Variants in GRIK4 observed in about 807,000 individuals in gnomAD.
GRIK4 encodes glutamate receptor ionotropic, kainate 4.
In GRIK4, 40 loss-of-function variants were observed where a neutral mutation model predicts 104.9. The ratio of observed to expected loss-of-function variants is 0.38; its 90% confidence interval spans 0.30 to 0.50. The LOEUF is 0.50. GRIK4 is among the 20% of genes least tolerant of loss of function. The pLI is 0.93. For synonymous variants in GRIK4, 485 were observed against 524.9 expected, an observed-to-expected ratio of 0.92 and a Z score of 1.04; for missense variants, 1,047 against 1,308.1, an observed-to-expected ratio of 0.80 and a Z score of 3.08.
At chr11:120,757,869 T>C (rs548717737) in intron 3 of GRIK4, among the ~76,000 whole-genome samples, 1 of 152,308 alleles carries the variant, frequency 6.6e-6, no homozygotes, top group East Asian at 1.9e-4. Flanking sequence ...GAAGGGAACC[T>C]GAAGCTTCAG....
chr11:120,835,788 A>G (rs908759159), intron 7 of GRIK4, among the ~76,000 whole-genome samples: 13 of 152,166 alleles, frequency 8.5e-5, no homozygotes, highest in Admixed American at 6.5e-4. Flanking sequence ...GTCAGTTTCT[A>G]TAGTACCTGT....
At chr11:120,601,148 G>A (rs1182985138) in intron 1 of GRIK4, among the ~76,000 whole-genome samples, 1 of 152,008 alleles carries the variant, frequency 6.6e-6, no homozygotes, top group Non-Finnish European at 1.5e-5. Flanking sequence ...GCTCACGTCT[G>A]TAATCCCAGC....
chr11:120,830,864 AC>A (rs1256268558), intron 6 of GRIK4, among the ~76,000 whole-genome samples: 1 of 120,884 alleles, frequency 8.3e-6, no homozygotes, highest in South Asian at 2.9e-4. Flanking sequence ...CCCCCACATC[AC>A]CCCCACCCCC....
intron 9 of GRIK4, chr11:120,868,065 G>C (rs1954473929): frequency 1.3e-5 from 2 of 152,180 alleles, no homozygotes; most frequent in Admixed American, 1.3e-4. Context: ...AGAGACAAAT[G>C]GGCATCTGGG....
Position 120,819,848 on chromosome 11 carries a change from A to G in GRIK4, c.439A>G (p.Ser147Gly). 1 of 1,614,092 alleles carries G rather than the reference A, an allele frequency of 6.2e-7. No homozygotes were observed. Among genetic ancestry groups the G allele is most frequent in the African/African-American group, 1.3e-5 (1 of 75,056 alleles). The stretch of plus-strand genomic sequence containing the variant: ...CCTCCACCCCAGCAACACTGACATC[A>G]GCGTGGCTGTAGCTGGGATCCTGAA... ...LNLHPSNTDI[S>G]VAVAGILNFF... The change falls in exon 6 of 21, where the codon AGC becomes GGC. Residue 147 changes from serine to glycine, a missense_variant. Ser to Gly is a moderately conservative substitution (Grantham distance 56). This residue lies in a region of GRIK4 where 447 missense variants were observed against 514.9 expected (regional missense o/e 0.87). Transcript: ENST00000527524. The surrounding 1 kb of genome is among the most constrained non-coding windows in gnomAD (Gnocchi z 4.3).
chr11:120,709,942 T>C (rs767052781), intron 3 of GRIK4, among the ~76,000 whole-genome samples: 56 of 152,192 alleles, frequency 3.7e-4, no homozygotes, highest in Non-Finnish European at 6.5e-4. Context: ...GTCTGCATCA[T>C]TGGGATCAAG....
At chr11:120,649,569 C>T (rs1387410539) in intron 1 of GRIK4, among the ~76,000 whole-genome samples, 1 of 152,152 alleles carries the variant, frequency 6.6e-6, no homozygotes. Flanking sequence ...CCAGCATAGC[C>T]CTCGCTGGCT....
chr11:120,522,909 G>A (rs1305295495), intron 1 of GRIK4, among the ~76,000 whole-genome samples: 1 of 152,040 alleles, frequency 6.6e-6, no homozygotes, highest in Non-Finnish European at 1.5e-5. Flanking sequence ...TGCCTCCTAT[G>A]TGCCAGGCAC....
chr11:120,795,453 G>A (rs551135455), intron 3 of GRIK4, among the ~76,000 whole-genome samples: 181 of 152,304 alleles, frequency 1.2e-3, no homozygotes, highest in Middle Eastern at 0.01. Flanking sequence ...AATGCTGACT[G>A]CACCATTGCC....
In GRIK4 at chr11:120,917,519, G is replaced by A. The variant is rs112309867; in HGVS notation, c.1476+12026G>A. 5.4e-3 allele frequency among the ~76,000 whole-genome samples: 818 copies of A among 152,258 alleles called. 3 individuals are homozygous for A. Among genetic ancestry groups the A allele is most frequent in the African/African-American group, 0.017 (701 of 41,548 alleles). ...GTGTGAGTACATGGCTGGGAGCCCC[G>A]AGCAGGGCAGGACTAAGGAATGACA... On this transcript the variant is annotated intron_variant, in intron 13 of 20. Transcript: ENST00000527524.
At chr11:120,802,883 C>T in intron 4 of GRIK4, 26 bp downstream of exon 4, 1 of 1,606,278 alleles carries the variant, frequency 6.2e-7, no homozygotes, top group Non-Finnish European at 8.5e-7. Context: ...AGGGCTGCCT[C>T]TTCCCTTGCT....
At chr11:120,824,557 T>TC (rs1953208694) in intron 6 of GRIK4, among the ~76,000 whole-genome samples, 1 of 147,564 alleles carries the variant, frequency 6.8e-6, no homozygotes, top group Non-Finnish European at 1.5e-5. Context: ...TCTTTTCTTT[T>TC]TTTTTTTTTT....
intron 1 of GRIK4, among the ~76,000 whole-genome samples, chr11:120,528,661 G>A (rs573973871): frequency 6.6e-5 from 10 of 152,290 alleles, no homozygotes; most frequent in East Asian, 3.9e-4. Flanking sequence ...CAATCATGGC[G>A]GAAGGCAAAG....
At chr11:120,529,661 T>A (rs1947902708) in intron 1 of GRIK4, among the ~76,000 whole-genome samples, 1 of 152,256 alleles carries the variant, frequency 6.6e-6, no homozygotes, top group Non-Finnish European at 1.5e-5. Context: ...TGGAGATGAT[T>A]TCAATGTATC....
At position 120,967,057 on chromosome 11, in the gene GRIK4, C is replaced by A. The variant is rs1194470689; in HGVS notation, c.2267-138C>A. 1.1e-6 allele frequency: 1 copy of A among 934,536 alleles called. No homozygotes were observed. Among genetic ancestry groups the A allele is most frequent in the African/African-American group, 1.7e-5 (1 of 60,082 alleles). 57.9% of individuals were successfully genotyped at this position (934,536 alleles called of 1,614,324 possible). A position where few individuals can be genotyped will look rare whatever the true frequency, so the allele number is the denominator to read the frequency against. ...ACAGCACTGGCCCCATGGGCTCGCC[C>A]CACCCGCTGCATCTGTCTGTCCCCT... On this transcript the variant is annotated intron_variant, in intron 18 of 20. Coordinates refer to ENST00000527524, the MANE Select transcript of GRIK4 (RefSeq NM_014619.5). This position sits in a 1 kb window ranked among gnomAD's most constrained non-coding sequence, Gnocchi z 4.2.
chr11:120,832,111 G>C (rs1953446790), intron 7 of GRIK4, 81 bp downstream of exon 7: 2 of 941,940 alleles, frequency 2.1e-6, no homozygotes, highest in Non-Finnish European at 3.2e-6. Flanking sequence ...CCTGAGCTGA[G>C]GCTGACGGAG....
intron 1 of GRIK4, 94 bp downstream of exon 1, chr11:120,511,981 C>A: frequency 6.9e-6 from 1 of 145,410 alleles, no homozygotes; most frequent in South Asian, 1.9e-4. Flanking sequence ...TCCCGCACCC[C>A]GACTTCTGAC....
At position 120,832,040 on chromosome 11, in the gene GRIK4, T is replaced by C; in HGVS notation, c.690+10T>C. On this transcript the variant is annotated intron_variant, in intron 7 of 20. Coordinates refer to ENST00000527524, the MANE Select transcript of GRIK4 (RefSeq NM_014619.5). ...CACCATCCTCCTGAAGGTGGGAGCCTCCCTCTCTCCCCCACCCCCTGCTGA... is the reference window on the plus strand; with the variant it reads ...CACCATCCTCCTGAAGGTGGGAGCCCCCCTCTCTCCCCCACCCCCTGCTGA... 6.3e-7 allele frequency: 1 copy of C among 1,587,954 alleles called. No individual in the cohort carries two copies. The highest frequency in any genetic ancestry group is 8.6e-7 in the Non-Finnish European group (1 of 1,161,348).
At chr11:120,931,555 G>T (rs557261399) in intron 13 of GRIK4, among the ~76,000 whole-genome samples, 209 of 152,298 alleles carry the variant, frequency 1.4e-3, no homozygotes, top group African/African-American at 4.8e-3. Context: ...GCCAAATTAC[G>T]TGGGTTTGAA....
Sources: gnomAD v4.1 joint callset for allele counts (sites outside exome capture counted in the v4.1 genomes callset) on GRCh38, gnomAD v4.1.1 for gene constraint, gnomAD v4.1.1 regional missense constraint, Gnocchi (gnomAD v3.1) non-coding constraint, MANE v1.5 for transcripts, NCBI Gene and HGNC (gene_info 2026-07-23, HGNC 2026-07-21) for gene names.